CNTN4: variants seen among roughly 807,000 people sequenced by gnomAD.
The protein encoded by CNTN4 is contactin-4.
In CNTN4, 77 loss-of-function variants were observed where a neutral mutation model predicts 122.5. That is an observed-to-expected ratio of 0.63 (90% CI 0.52 to 0.76). CNTN4 has a LOEUF of 0.76. Ranked by LOEUF, CNTN4 falls within the 30% of genes least tolerant of loss-of-function variation. The pLI, the probability that CNTN4 is intolerant of heterozygous loss-of-function variation, is 0.00. For synonymous variants in CNTN4, 512 were observed against 447.0 expected (o/e 1.15, Z -1.83); for missense variants, 1,256 against 1,259.1 (o/e 1.00, Z 0.04).
intron 2 of CNTN4, among the ~76,000 whole-genome samples, chr3:2,223,158 C>G (rs2039129776): frequency 6.6e-6 from 1 of 152,278 alleles, no homozygotes; most frequent in South Asian, 2.1e-4. Context: ...TGAGAACCTT[C>G]ACCAAAGGGG....
At chr3:2,517,078 AT>A (rs1237370188) in intron 3 of CNTN4, among the ~76,000 whole-genome samples, 1 of 152,144 alleles carries the variant, frequency 6.6e-6, no homozygotes. Context: ...ATTCAAAAAT[AT>A]TTTGCATAGG....
chr3:2,922,517 C>T (rs556806394), intron 12 of CNTN4, among the ~76,000 whole-genome samples: 1 of 152,126 alleles, frequency 6.6e-6, no homozygotes, highest in African/African-American at 2.4e-5. Context: ...TTAAAAGTAC[C>T]ACAGTTTATG....
chr3:2,902,591 A>T (rs1001950581), intron 11 of CNTN4, among the ~76,000 whole-genome samples: 5 of 152,282 alleles, frequency 3.3e-5, no homozygotes, highest in African/African-American at 4.8e-5. Flanking sequence ...AAGTTATTCT[A>T]TTTAGAGAGG....
At chr3:2,305,291 T>C (rs866714294) in intron 2 of CNTN4, among the ~76,000 whole-genome samples, 20 of 152,282 alleles carry the variant, frequency 1.3e-4, no homozygotes, top group African/African-American at 4.8e-4. Context: ...AGGAGACATA[T>C]GTGACAACTG....
chr3:2,659,805 A>G (rs1290866516), intron 4 of CNTN4, among the ~76,000 whole-genome samples: 1 of 152,102 alleles, frequency 6.6e-6, no homozygotes, highest in Admixed American at 6.6e-5. Context: ...TGATGTGGTG[A>G]TGTTTGAACT....
intron 7 of CNTN4, among the ~76,000 whole-genome samples, chr3:2,834,968 G>C (rs1040870143): frequency 1.4e-5 from 2 of 138,606 alleles, no homozygotes; most frequent in Non-Finnish European, 3.0e-5. Flanking sequence ...GCAGTGGGGC[G>C]ATCTCGGCTC....
At chr3:2,546,041 A>G (rs921320818) in intron 3 of CNTN4, among the ~76,000 whole-genome samples, 3 of 152,154 alleles carry the variant, frequency 2.0e-5, no homozygotes, top group Admixed American at 1.3e-4. Flanking sequence ...GTTGCAGGAA[A>G]AAAGGGAATG....
chr3:2,620,872 T>C (rs2081963807), intron 4 of CNTN4, among the ~76,000 whole-genome samples: 1 of 152,204 alleles, frequency 6.6e-6, no homozygotes, highest in African/African-American at 2.4e-5. Flanking sequence ...AGGTGTGATT[T>C]TTCCTTTCGG....
At chr3:2,430,283 G>C (rs1270971809) in intron 3 of CNTN4, among the ~76,000 whole-genome samples, 1 of 151,864 alleles carries the variant, frequency 6.6e-6, no homozygotes, top group South Asian at 2.1e-4. Context: ...TTAGCCGGGC[G>C]TGGTGGCGGG....
At chr3:2,374,043 G>A (rs982519679) in intron 3 of CNTN4, among the ~76,000 whole-genome samples, 3 of 150,774 alleles carry the variant, frequency 2.0e-5, no homozygotes, top group African/African-American at 7.5e-5. Flanking sequence ...TTTGTTCTCC[G>A]GGATACATGG....
intron 3 of CNTN4, among the ~76,000 whole-genome samples, chr3:2,400,700 T>C (rs768003160): frequency 2.0e-5 from 3 of 150,908 alleles, no homozygotes; most frequent in Non-Finnish European, 4.4e-5. Flanking sequence ...ATTTTTTAAA[T>C]ATTTGAAGTG....
At chr3:2,720,273 C>G (rs1415403581) in intron 4 of CNTN4, among the ~76,000 whole-genome samples, 1 of 152,110 alleles carries the variant, frequency 6.6e-6, no homozygotes, top group Non-Finnish European at 1.5e-5. Context: ...AGCCAGAAAC[C>G]AACCAAAGGG....
chr3:2,594,416 CTTTTT>C (rs36010353), intron 4 of CNTN4, among the ~76,000 whole-genome samples: 4 of 103,580 alleles, frequency 3.9e-5, no homozygotes, highest in Admixed American at 1.0e-4. Flanking sequence ...TAAAATGGAT[CTTTTT>C]TTTTTTTTTT....
intron 3 of CNTN4, among the ~76,000 whole-genome samples, chr3:2,403,193 G>T (rs1332241944): frequency 6.6e-6 from 1 of 151,926 alleles, no homozygotes; most frequent in Admixed American, 6.6e-5. Flanking sequence ...AAGGATGCCA[G>T]CCATATTTGA....
chr3:2,656,352 T>C (rs2083590862), intron 4 of CNTN4, among the ~76,000 whole-genome samples: 1 of 152,202 alleles, frequency 6.6e-6, no homozygotes, highest in Admixed American at 6.5e-5. Context: ...CAAAAAGCAG[T>C]TATGTTTATA....
chr3:2,160,225 G>A (rs576668636), intron 2 of CNTN4, among the ~76,000 whole-genome samples: 2 of 152,098 alleles, frequency 1.3e-5, no homozygotes, highest in African/African-American at 2.4e-5. Context: ...GAATGCTGGA[G>A]GTGGAAGGCA....
At chr3:2,125,123 C>G (rs1472454547) in intron 2 of CNTN4, among the ~76,000 whole-genome samples, 4 of 152,032 alleles carry the variant, frequency 2.6e-5, no homozygotes, top group African/African-American at 9.7e-5. Flanking sequence ...TCCATTTTTC[C>G]TTCCTCTACA....
intron 2 of CNTN4, among the ~76,000 whole-genome samples, chr3:2,147,477 T>C (rs2035299126): frequency 6.6e-6 from 1 of 152,172 alleles, no homozygotes; most frequent in African/African-American, 2.4e-5. Flanking sequence ...GTATCATCAA[T>C]GGAAATGACT....
intron 3 of CNTN4, among the ~76,000 whole-genome samples, chr3:2,485,018 A>G (rs1447368620): frequency 6.6e-6 from 1 of 152,182 alleles, no homozygotes; most frequent in East Asian, 1.9e-4. Context: ...GGCTGGTGCC[A>G]CTGGCCCCGG....
Sources: gnomAD v4.1 joint callset for allele counts (sites outside exome capture counted in the v4.1 genomes callset) on GRCh38, gnomAD v4.1.1 for gene constraint, MANE v1.5 for transcripts, NCBI Gene and HGNC (gene_info 2026-07-23, HGNC 2026-07-21) for gene names.